Variants in CDC42BPB observed in about 807,000 individuals in gnomAD.
CDC42BPB encodes the protein serine/threonine-protein kinase MRCK beta.
CDC42BPB carries 37 observed loss-of-function variants against 214.9 expected under a neutral mutation model. The observed-to-expected ratio is 0.17, with a 90% CI of 0.13 to 0.23. The LOEUF (loss-of-function observed/expected upper bound fraction) is 0.23. Ranked by LOEUF, CDC42BPB falls within the 10% of genes least tolerant of loss-of-function variation. The pLI is 1.00. For synonymous variants in CDC42BPB, 931 were observed against 884.0 expected (o/e 1.05, Z -0.94); for missense variants, 1,694 against 2,227.0 (o/e 0.76, Z 4.82).
chr14:102,974,323 G>A, intron 11 of CDC42BPB, 174 bp from the exon 12 acceptor site: 7 of 935,330 alleles, frequency 7.5e-6, no homozygotes, highest in Non-Finnish European at 7.4e-6. Context: ...CACACACAGT[G>A]TCATAGGCAC....
At chr14:102,991,973 G>A (rs1368429361) in intron 5 of CDC42BPB, among the ~76,000 whole-genome samples, 1 of 152,208 alleles carries the variant, frequency 6.6e-6, no homozygotes, top group African/African-American at 2.4e-5. Flanking sequence ...TACATAAAAT[G>A]AAGAATTTGG....
intron 1 of CDC42BPB, among the ~76,000 whole-genome samples, chr14:103,029,647 G>A (rs1453662312): frequency 6.6e-6 from 1 of 151,512 alleles, no homozygotes; most frequent in Non-Finnish European, 1.5e-5. Context: ...ACGAGGTCAA[G>A]AGATCGAGAG....
chr14:103,041,497 C>A (rs1205519098), intron 1 of CDC42BPB: 2 of 1,368,556 alleles, frequency 1.5e-6, no homozygotes, highest in African/African-American at 1.4e-5. Context: ...GGCATGGAAG[C>A]CCCACTTCCA....
Position 102,963,088 on chromosome 14 carries a change from T to C in CDC42BPB, c.2794A>G (p.Met932Val), listed in dbSNP as rs1340917277. The C allele has an allele frequency of 2.6e-6, 4 of 1,560,716 alleles. No individual in the cohort carries two copies. Among genetic ancestry groups the C allele is most frequent in the African/African-American group, 1.4e-5 (1 of 73,786 alleles). ...LEEMEILKKK[M>V]EEKFRADTGL... The stretch of plus-strand genomic sequence containing the variant: ...GTATCTGCTCTGAATTTTTCTTCCA[T>C]CTTTTTCTTCAAAATTTCCATTTCT... Residue 932 changes from methionine to valine, a missense_variant, in exon 20 of 37, where the codon ATG becomes GTG. Transcript: ENST00000361246.
intron 21 of CDC42BPB, among the ~76,000 whole-genome samples, 194 bp downstream of exon 21, chr14:102,959,437 T>C (rs1484818074): frequency 6.6e-6 from 1 of 152,148 alleles, no homozygotes; most frequent in Admixed American, 6.5e-5. Context: ...ATACCCTAAA[T>C]GTCTGTCACC....
chr14:102,985,987 C>A (rs556043978), intron 6 of CDC42BPB, among the ~76,000 whole-genome samples: 1 of 152,364 alleles, frequency 6.6e-6, no homozygotes, highest in African/African-American at 2.4e-5. Context: ...TCTTTCCCTG[C>A]TGGCGGGAGT....
At position 102,952,472 on chromosome 14, in the gene CDC42BPB, A is replaced by C. The variant is rs1437466388; in HGVS notation, c.3172+26T>G. On this transcript the variant is annotated intron_variant, in intron 24 of 36. Coordinates refer to ENST00000361246, the MANE Select transcript of CDC42BPB (RefSeq NM_006035.4). ...CAGGGGTGTGGGGCTGTGCACGCTG[A>C]CCCCAGGAGCTGCAACGACACTCAC... 2.0e-6 allele frequency: 3 copies of C among 1,486,122 alleles called. No homozygotes were observed. The African/African-American group carries it at 4.1e-5, about 21-fold the overall frequency. The allele number at this position is 1,486,122 out of a possible 1,614,324, so 92.1% of individuals were successfully genotyped here. A position where few individuals can be genotyped will look rare whatever the true frequency, so the allele number is the denominator to read the frequency against.
Position 102,975,866 on chromosome 14 carries a change from G to C in CDC42BPB, c.1387+17C>G. On this transcript the variant is annotated intron_variant, in intron 10 of 36. Transcript: ENST00000361246. ...CGCAGCGCCCCCGCCTGGCCCCGGAGCCGGCGCTGCCCTCACCTTGCAGCT... is the reference window on the plus strand; with the variant it reads ...CGCAGCGCCCCCGCCTGGCCCCGGACCCGGCGCTGCCCTCACCTTGCAGCT... 1 of 1,613,980 alleles carries C rather than the reference G, an allele frequency of 6.2e-7. No homozygotes were observed. Among genetic ancestry groups the C allele is most frequent in the Non-Finnish European group, 8.5e-7 (1 of 1,179,916 alleles).
Position 102,950,561 on chromosome 14 carries a change from G to A in CDC42BPB, c.3214C>T (p.Pro1072Ser). ...TCGGGAGGTATTGGGCACACCTGGG[G>A]GGCACCGTCTTTGCAGGACACGTGG... The part of the protein sequence containing the change: ...ACHVSCKDGA[P>S]QVCPIPPEQS... The change falls in exon 25 of 37, where the codon CCC (proline) becomes TCC (serine). Residue 1072 changes from proline to serine, a missense_variant. Physicochemically the swap from Pro to Ser is moderately conservative, Grantham distance 74. This residue lies in a region of CDC42BPB where 567 missense variants were observed against 790.3 expected (regional missense o/e 0.72). Transcript: ENST00000361246. The A allele has an allele frequency of 6.2e-7, 1 of 1,608,138 alleles. No homozygotes were observed.
rs1429254113 is a variant in CDC42BPB at position 102,940,004 on chromosome 14, C to T, written c.4591+42G>A. The stretch of plus-strand genomic sequence containing the variant: ...GCGGCACCAGGGACACACGCCCCTC[C>T]AACTTCCCTTCCCTCCACTCCCGGT... On this transcript the variant is annotated intron_variant, in intron 32 of 36. Coordinates refer to ENST00000361246, the MANE Select transcript of CDC42BPB (RefSeq NM_006035.4). The T allele has an allele frequency of 2.5e-6, 4 of 1,613,728 alleles. No individual in the cohort carries two copies. In the African/African-American group the frequency reaches 5.3e-5, roughly 22 times the overall value.
Position 103,030,233 on chromosome 14 carries a change from T to C in CDC42BPB, c.176-18045A>G, listed in dbSNP as rs570821913. Among the ~76,000 whole-genome samples, 3 of 152,344 alleles carry C rather than the reference T, an allele frequency of 2.0e-5. No homozygotes were observed. In the South Asian group the frequency reaches 6.2e-4, roughly 32 times the overall value. On this transcript the variant is annotated intron_variant, in intron 1 of 36. Coordinates refer to ENST00000361246, the MANE Select transcript of CDC42BPB (RefSeq NM_006035.4). ...CCAGCACGGTATCAAAGCCCTCTCA[T>C]GGCCAATGAGGTTGAAGGTGGAAAT...
At chr14:102,946,176 A>ATTTTAT (rs567167495) in intron 28 of CDC42BPB, among the ~76,000 whole-genome samples, 4 of 151,536 alleles carry the variant, frequency 2.6e-5, no homozygotes, top group Non-Finnish European at 4.4e-5. Flanking sequence ...GCCCAGCTAT[A>ATTTTAT]TTTTATTTTT....
intron 1 of CDC42BPB, chr14:103,041,534 A>T: frequency 7.3e-7 from 1 of 1,367,396 alleles, no homozygotes. Flanking sequence ...GCTCGTGGCC[A>T]CATGGTTCAA....
At position 103,004,259 on chromosome 14, in the gene CDC42BPB, C is replaced by A; in HGVS notation, c.352-236G>T. ...TGAGGAGGCACTTGCACCCTGCTGT[C>A]CCACGGGCACCATTTCTGTGGCTGA... On this transcript the variant is annotated intron_variant, in intron 3 of 36. Transcript: ENST00000361246. The surrounding 1 kb of genome is among the most constrained non-coding windows in gnomAD (Gnocchi z 5.3). 1 of 1,044,974 alleles carries A rather than the reference C, an allele frequency of 9.6e-7. No individual in the cohort carries two copies. Among genetic ancestry groups the A allele is most frequent in the Non-Finnish European group, 1.2e-6 (1 of 814,378 alleles). The allele number at this position is 1,044,974 out of a possible 1,614,324, so 64.7% of individuals were successfully genotyped here.
chr14:103,031,788 C>A (rs1173965886), intron 1 of CDC42BPB, among the ~76,000 whole-genome samples: 3 of 152,066 alleles, frequency 2.0e-5, no homozygotes, highest in Non-Finnish European at 4.4e-5. Flanking sequence ...ATTCCGGAAA[C>A]CAACTAAAAA....
intron 1 of CDC42BPB, among the ~76,000 whole-genome samples, chr14:103,054,662 T>C (rs762965362): frequency 3.9e-5 from 6 of 152,238 alleles, no homozygotes; most frequent in Non-Finnish European, 8.8e-5. Context: ...TTGTAAAATA[T>C]ATTGATATTT....
At chr14:102,964,763 A>G (rs1368339319) in intron 18 of CDC42BPB, 113 bp from the exon 19 acceptor site, 15 of 1,369,670 alleles carry the variant, frequency 1.1e-5, no homozygotes, top group East Asian at 5.8e-5. Context: ...TCTCATTTAG[A>G]TATTAACTCT....
In CDC42BPB at chr14:102,944,176, T is replaced by C; in HGVS notation, c.4123A>G (p.Ser1375Gly). The C allele has an allele frequency of 6.2e-7, 1 of 1,613,234 alleles. No homozygotes were observed. Among genetic ancestry groups the C allele is most frequent in the Non-Finnish European group, 8.5e-7 (1 of 1,180,038 alleles). ...RKFNEIVAPG[S>G]VQCLAVLRDR... Reference sequence around the variant, plus strand: ...CTGAGCACCGCCAGGCACTGCACGCTGCCGGGAGCCACAATCTCATTGAAC... The same window carrying C: ...CTGAGCACCGCCAGGCACTGCACGCCGCCGGGAGCCACAATCTCATTGAAC... Residue 1375 changes from serine to glycine, a missense_variant, in exon 30 of 37, where the codon AGC becomes GGC. Physicochemically the swap from Ser to Gly is moderately conservative, Grantham distance 56. Around this residue, in one of 7 missense-constraint regions of CDC42BPB, gnomAD observed 567 missense variants for 790.3 expected, o/e 0.72. Coordinates refer to ENST00000361246, the MANE Select transcript of CDC42BPB (RefSeq NM_006035.4). This position sits in a 1 kb window ranked among gnomAD's most constrained non-coding sequence, Gnocchi z 6.6.
intron 36 of CDC42BPB, among the ~76,000 whole-genome samples, chr14:102,937,857 G>C (rs1891710097): frequency 6.6e-6 from 1 of 152,222 alleles, no homozygotes; most frequent in Non-Finnish European, 1.5e-5. Context: ...CATTCCTCCT[G>C]GGGCAGTGTG....
Sources: gnomAD v4.1 joint callset for allele counts (sites outside exome capture counted in the v4.1 genomes callset) on GRCh38, gnomAD v4.1.1 for gene constraint, gnomAD v4.1.1 regional missense constraint, Gnocchi (gnomAD v3.1) non-coding constraint, MANE v1.5 for transcripts, NCBI Gene and HGNC (gene_info 2026-07-23, HGNC 2026-07-21) for gene names.